FITM2: variants seen among roughly 807,000 people sequenced by gnomAD.
FITM2 encodes fat storage inducing transmembrane protein 2, also known as acyl-coenzyme A diphosphatase FITM2.
FITM2 carries 16 observed loss-of-function variants against 23.3 expected under a neutral mutation model. The observed-to-expected ratio is 0.69, with a 90% CI of 0.47 to 1.05. The LOEUF (loss-of-function observed/expected upper bound fraction) is 1.05, where lower values mean the gene tolerates loss of function less well. FITM2 is among the 50% of genes least tolerant of loss of function. FITM2 has a pLI of 0.00. For synonymous variants in FITM2, 132 were observed against 142.0 expected (o/e 0.93, Z 0.50); for missense variants, 273 against 327.5 (o/e 0.83, Z 1.29).
chr20:44,308,762 T>G (rs2062697311), intron 1 of FITM2, among the ~76,000 whole-genome samples: 1 of 151,958 alleles, frequency 6.6e-6, no homozygotes, highest in African/African-American at 2.4e-5. Flanking sequence ...CCACTGGTCT[T>G]GAACTCCAGG....
rs1187606802 is a variant in FITM2 at position 44,306,841 on chromosome 20, C to T, written c.573G>A (p.Leu191=). The T allele has an allele frequency of 1.9e-6, 3 of 1,614,192 alleles. No individual in the cohort carries two copies. In the South Asian group the frequency reaches 3.3e-5, roughly 18 times the overall value. ...SHCLHTAITT[L]VVALGILTFI... ...AAGTCAGAATGCCCAGGGCCACAAC[C>T]AGGGTGGTGATGGCGGTGTGGAGGC... The change falls in exon 2 of 2, where the codon CTG becomes CTA. Residue 191 remains leucine, a synonymous_variant. Coordinates refer to ENST00000396825, the MANE Select transcript of FITM2 (RefSeq NM_001080472.4).
In FITM2 at chr20:44,306,721, G is replaced by T. The variant is rs750925741; in HGVS notation, c.693C>A (p.Tyr231Ter). Reference sequence around the variant, plus strand: ...TCGGATACCAAAACCCGTATGTCCCGTACCAGCTCAGCAAACCAAACAAGG... The same window carrying T: ...TCGGATACCAAAACCCGTATGTCCCTTACCAGCTCAGCAAACCAAACAAGG... Reference protein sequence around the residue: ...FGTLFGLLSWYGTYGFWYPKA... With the variant: ...FGTLFGLLSW Residue 231 changes from tyrosine (Y) to a stop codon, truncating the protein, a stop_gained, in exon 2 of 2, where the codon TAC becomes TAA. Coordinates refer to ENST00000396825, the MANE Select transcript of FITM2 (RefSeq NM_001080472.4). LOFTEE classifies it high-confidence loss of function. 1.2e-6 allele frequency: 2 copies of T among 1,614,070 alleles called. No homozygotes were observed. Among genetic ancestry groups the T allele is most frequent in the Admixed American group, 3.3e-5 (2 of 60,000 alleles).
Sources: allele counts gnomAD v4.1 joint callset (sites outside exome capture counted in the v4.1 genomes callset), GRCh38; gene constraint gnomAD v4.1.1; transcripts MANE v1.5; gene names NCBI Gene and HGNC (gene_info 2026-07-23, HGNC 2026-07-21).